The following PALD1 variants were observed in gnomAD, a reference collection of about 807,000 sequenced individuals.
PALD1 encodes phosphatase domain containing paladin 1.
Under a neutral mutation model 96.0 loss-of-function variants are expected in PALD1, and 57 were observed. The observed-to-expected ratio is 0.59, with a 90% confidence interval of 0.48 to 0.74. The LOEUF (loss-of-function observed/expected upper bound fraction) is 0.74. PALD1 is among the 30% of genes least tolerant of loss of function. PALD1 has a pLI of 0.00. For missense variants in PALD1, 1,063 were observed against 1,143.7 expected (o/e 0.93, Z 1.02); for synonymous variants, 464 against 473.6 (o/e 0.98, Z 0.26).
At chr10:70,564,293 C>T in intron 18 of PALD1, 71 bp from the exon 19 acceptor site, 2 of 1,479,944 alleles carry the variant, frequency 1.4e-6, no homozygotes, top group South Asian at 1.3e-5. Context: ...CTCAGGGCAG[C>T]AGGGTGGCAT....
chr10:70,459,104 C>T, the PALD1 span, among the ~76,000 whole-genome samples: 1 of 149,582 alleles, frequency 6.7e-6, no homozygotes, highest in Non-Finnish European at 1.5e-5. Flanking sequence ...CCACCCCACT[C>T]CAAGCCCCAG....
chr10:70,566,592 G>A lies in PALD1; in HGVS notation c.2430G>A (p.Lys810=). The change falls in exon 20 of 20, where the codon AAG becomes AAA. Residue 810 remains lysine, a synonymous_variant. Coordinates refer to ENST00000263563, the MANE Select transcript of PALD1 (RefSeq NM_014431.3). ...FSTWMQEVAS[K]AGIYEILNEL... Reference sequence around the variant, plus strand: ...TGCTCTCCTCCCAGGTGGCATCGAAGGCTGGCATCTACGAGATCCTTAACG... The same window carrying A: ...TGCTCTCCTCCCAGGTGGCATCGAAAGCTGGCATCTACGAGATCCTTAACG... The A allele has an allele frequency of 6.2e-7, 1 of 1,610,144 alleles. No homozygotes were observed. The highest frequency in any genetic ancestry group is 1.7e-5 in the Admixed American group (1 of 59,678).
intron 18 of PALD1, among the ~76,000 whole-genome samples, chr10:70,558,130 G>C (rs1847652221): frequency 6.6e-6 from 1 of 151,882 alleles, no homozygotes; most frequent in South Asian, 2.1e-4. Context: ...TGTTTTGGTA[G>C]AGACAGGATC....
At chr10:70,484,298 C>T (rs575585634) in intron 1 of PALD1, among the ~76,000 whole-genome samples, 14 of 152,078 alleles carry the variant, frequency 9.2e-5, no homozygotes, top group Admixed American at 7.2e-4. Flanking sequence ...CCACCGTGCT[C>T]GACCCCAATA....
intron 19 of PALD1, among the ~76,000 whole-genome samples, 163 bp from the exon 20 acceptor site, chr10:70,566,418 T>G (rs1300702720): frequency 1.3e-5 from 2 of 152,174 alleles, no homozygotes; most frequent in Non-Finnish European, 2.9e-5. Context: ...AGTCTTTTCC[T>G]TGCTATGAGG....
chr10:70,550,282 C>T (rs971267160), intron 18 of PALD1, among the ~76,000 whole-genome samples: 1 of 152,176 alleles, frequency 6.6e-6, no homozygotes, highest in African/African-American at 2.4e-5. Flanking sequence ...CAACACACAG[C>T]CAAGGCTGAG....
the PALD1 span, among the ~76,000 whole-genome samples, chr10:70,463,012 G>A: frequency 3.6e-3 from 546 of 152,326 alleles, 15 homozygotes; most frequent in African/African-American, 4.6e-3. Flanking sequence ...AAGATCTGGC[G>A]TGGGTCTTTT....
Position 70,539,752 on chromosome 10 carries a change from C to A in PALD1, c.1898C>A (p.Pro633His). The change falls in exon 15 of 20, where the codon CCC becomes CAC. Residue 633 changes from proline (P) to histidine (H), a missense_variant. Physicochemically the swap from Pro to His is moderately conservative, Grantham distance 77 (BLOSUM62 -2). Transcript: ENST00000263563. This position sits in a 1 kb window ranked among gnomAD's most constrained non-coding sequence, Gnocchi z 4.5. ...ATCCCCATGCCGGACTTCTGTGCCCCCCGAGAGGAGGTGAGGGTGCTGCTC... is the reference window on the plus strand; with the variant it reads ...ATCCCCATGCCGGACTTCTGTGCCCACCGAGAGGAGGTGAGGGTGCTGCTC... ...HRIPMPDFCA[P>H]REEDFDQLLE... 1 of 1,609,160 alleles carries A rather than the reference C, an allele frequency of 6.2e-7. No individual in the cohort carries two copies. Among genetic ancestry groups the A allele is most frequent in the Non-Finnish European group, 8.5e-7 (1 of 1,178,634 alleles).
In PALD1 at chr10:70,537,804, C is replaced by T. The variant is rs778747773; in HGVS notation, c.1228-7C>T. 4 of 1,601,894 alleles carry T rather than the reference C, an allele frequency of 2.5e-6. No homozygotes were observed. The South Asian group carries it at 4.4e-5, about 18-fold the overall frequency. On this transcript the variant is annotated splice_region_variant and splice_polypyrimidine_tract_variant and intron_variant, in intron 10 of 19. Coordinates refer to ENST00000263563, the MANE Select transcript of PALD1 (RefSeq NM_014431.3). ...GTCTGTCCTTAACACCCTGTCCTCTCTCTCAGGGAAGCGGCAGCCGACACA... is the reference window on the plus strand; with the variant it reads ...GTCTGTCCTTAACACCCTGTCCTCTTTCTCAGGGAAGCGGCAGCCGACACA...
rs748595665 is a variant in PALD1, at chr10:70,532,767, G to A, written c.780G>A (p.Leu260=). The A allele has an allele frequency of 6.2e-7, 1 of 1,614,086 alleles. No homozygotes were observed. Among genetic ancestry groups the A allele is most frequent in the South Asian group, 1.1e-5 (1 of 91,082 alleles). ...AGGTGTACAAGCGGCCCCTCTTCCT[G>A]CAGCCCACCTACAGGTACCACAGGG... ...TEEVYKRPLF[L]QPTYRYHRLP... is the part of the protein sequence containing the mutation. Residue 260 remains leucine (L), a synonymous_variant, in exon 6 of 20, where the codon CTG becomes CTA. Coordinates refer to ENST00000263563, the MANE Select transcript of PALD1 (RefSeq NM_014431.3).
chr10:70,547,279 C>G (rs1220544448), intron 17 of PALD1, 27 bp from the exon 18 acceptor site: 8 of 1,611,068 alleles, frequency 5.0e-6, no homozygotes, highest in Non-Finnish European at 5.9e-6. Context: ...AGTTTTATGT[C>G]TGCTCACCCC....
intron 18 of PALD1, among the ~76,000 whole-genome samples, chr10:70,548,595 G>C (rs1194863413): frequency 6.6e-6 from 1 of 152,118 alleles, no homozygotes; most frequent in Non-Finnish European, 1.5e-5. Context: ...CCGGTGGGTA[G>C]GGGGTGAGGA....
intron 1 of PALD1, among the ~76,000 whole-genome samples, chr10:70,498,123 C>T (rs1224386999): frequency 2.0e-5 from 3 of 152,166 alleles, no homozygotes; most frequent in South Asian, 4.1e-4. Context: ...GTTCTACTTC[C>T]TGTCTCTGAA....
intron 18 of PALD1, among the ~76,000 whole-genome samples, chr10:70,550,567 C>T (rs1477776948): frequency 2.6e-5 from 4 of 152,298 alleles, no homozygotes; most frequent in Admixed American, 1.3e-4. Flanking sequence ...GTGCATCCAG[C>T]ACCACATCAA....
At chr10:70,460,369 C>T in the PALD1 span, among the ~76,000 whole-genome samples, 1 of 152,152 alleles carries the variant, frequency 6.6e-6, no homozygotes, top group African/African-American at 2.4e-5. Context: ...GACCCCTGCA[C>T]CCACCGGCCT....
At chr10:70,534,343 G>GT in intron 8 of PALD1, 82 bp from the exon 9 acceptor site, 1 of 939,014 alleles carries the variant, frequency 1.1e-6, no homozygotes. Flanking sequence ...TCCCCCAGCG[G>GT]CCATATGAGT....
In PALD1 at chr10:70,539,871, G is replaced by T; in HGVS notation, c.1908+109G>T. 1.1e-6 allele frequency: 1 copy of T among 932,832 alleles called. No individual in the cohort carries two copies. Among genetic ancestry groups the T allele is most frequent in the Non-Finnish European group, 1.6e-6 (1 of 622,568 alleles). 57.8% of individuals were successfully genotyped at this position (932,832 alleles called of 1,614,324 possible). A position where few individuals can be genotyped will look rare whatever the true frequency, so the allele number is the denominator to read the frequency against. On this transcript the variant is annotated intron_variant, in intron 15 of 19. Coordinates refer to ENST00000263563, the MANE Select transcript of PALD1 (RefSeq NM_014431.3). The surrounding 1 kb of genome is among the most constrained non-coding windows in gnomAD (Gnocchi z 4.5). ...GAAACGACCCCAGCTTCTCTACGGG[G>T]CCCGGGAATGGTCTCACGAGGTTTT...
intron 17 of PALD1, among the ~76,000 whole-genome samples, chr10:70,542,117 C>T (rs984815134): frequency 3.9e-5 from 6 of 152,128 alleles, no homozygotes; most frequent in African/African-American, 9.6e-5. Flanking sequence ...TGGTTAACTT[C>T]GCCACTTGCC....
At chr10:70,474,967 C>A (rs1415206049), upstream of PALD1, among the ~76,000 whole-genome samples, 1 of 151,854 alleles carries the variant, frequency 6.6e-6, no homozygotes, top group Non-Finnish European at 1.5e-5. Context: ...CCTCCAAACA[C>A]CCCTCTGCCC....
Sources: allele counts gnomAD v4.1 joint callset (sites outside exome capture counted in the v4.1 genomes callset), GRCh38; gene constraint gnomAD v4.1.1; non-coding constraint Gnocchi (gnomAD v3.1); transcripts MANE v1.5; gene names NCBI Gene and HGNC (gene_info 2026-07-23, HGNC 2026-07-21).